The following NT5DC1 variants were observed in gnomAD, a reference collection of about 807,000 sequenced individuals.
NT5DC1 encodes 5'-nucleotidase domain containing 1.
NT5DC1 carries 42 observed loss-of-function variants against 59.4 expected under a neutral mutation model. That is an observed-to-expected ratio of 0.71 (90% CI 0.55 to 0.92). The LOEUF is 0.92. NT5DC1 is among the 40% of genes least tolerant of loss of function. The pLI, the probability that NT5DC1 is intolerant of heterozygous loss-of-function variation, is 0.00. For missense variants in NT5DC1, 501 were observed against 537.1 expected (o/e 0.93, Z 0.66); for synonymous variants, 172 against 188.1 (o/e 0.91, Z 0.70).
At chr6:116,113,085 T>G (rs540556193) in intron 4 of NT5DC1, among the ~76,000 whole-genome samples, 1 of 152,356 alleles carries the variant, frequency 6.6e-6, no homozygotes, top group Admixed American at 6.5e-5. Flanking sequence ...CCCTTTGAAC[T>G]TATCTTCCCC....
At chr6:116,222,556 A>G (rs1313272784) in intron 7 of NT5DC1, among the ~76,000 whole-genome samples, 1 of 152,232 alleles carries the variant, frequency 6.6e-6, no homozygotes, top group East Asian at 1.9e-4. Flanking sequence ...ACTGATTGTC[A>G]AATAAAGTGT....
rs1331434395 is a variant in NT5DC1, at chr6:116,100,943, T to G, written c.13T>G (p.Phe5Val). The stretch of plus-strand genomic sequence containing the variant: ...TCCCCGCGCAGCCATGGCTCAGCAC[T>G]TCTCCCTGGCCGCCTGCGACGTGGT... MAQH[F>V]SLAACDVVGF... Residue 5 changes from phenylalanine (F) to valine (V), a missense_variant, in exon 1 of 12, where the codon TTC (phenylalanine) becomes GTC (valine). By Grantham distance (50) the Phe-to-Val change is conservative. Transcript: ENST00000319550. 1.2e-6 allele frequency: 2 copies of G among 1,603,586 alleles called. No homozygotes were observed. Among genetic ancestry groups the G allele is most frequent in the Non-Finnish European group, 1.7e-6 (2 of 1,176,338 alleles).
intron 6 of NT5DC1, among the ~76,000 whole-genome samples, chr6:116,165,951 T>G (rs747230505): frequency 1.4e-4 from 21 of 152,142 alleles, no homozygotes; most frequent in Non-Finnish European, 2.2e-4. Flanking sequence ...AGCTCAGGCT[T>G]GAGGGGAGTG....
At chr6:116,190,483 G>T (rs557708026) in intron 6 of NT5DC1, among the ~76,000 whole-genome samples, 1 of 151,912 alleles carries the variant, frequency 6.6e-6, no homozygotes, top group African/African-American at 2.4e-5. Context: ...AGAAGTTAGC[G>T]GCAGTGGTAT....
chr6:116,110,934 C>T lies in NT5DC1; in HGVS notation c.342C>T (p.Asp114=). ...AAGAGTGGAAGCACTTCTTGTCGGA[C>T]ACTGGAATGGCTTGCCGCTCAGGTA... ...GKKEWKHFLS[D]TGMACRSGKY... The change falls in exon 4 of 12, where the codon GAC becomes GAT. Residue 114 remains aspartate (D), a synonymous_variant. Coordinates refer to ENST00000319550, the MANE Select transcript of NT5DC1 (RefSeq NM_152729.3). 1 of 1,612,586 alleles carries T rather than the reference C, an allele frequency of 6.2e-7. No homozygotes were observed. Among genetic ancestry groups the T allele is most frequent in the Non-Finnish European group, 8.5e-7 (1 of 1,178,630 alleles).
chr6:116,242,809 A>T (rs1244867418), intron 11 of NT5DC1, among the ~76,000 whole-genome samples: 1 of 152,220 alleles, frequency 6.6e-6, no homozygotes, highest in Non-Finnish European at 1.5e-5. Context: ...GACAACCAGC[A>T]GAGTCCAGTT....
At chr6:116,169,274 A>G (rs1204947013) in intron 6 of NT5DC1, among the ~76,000 whole-genome samples, 1 of 152,208 alleles carries the variant, frequency 6.6e-6, no homozygotes, top group Non-Finnish European at 1.5e-5. Context: ...TAACTTTTCT[A>G]GTTATCCTCA....
chr6:116,211,512 G>A (rs1781577030), intron 6 of NT5DC1, among the ~76,000 whole-genome samples: 1 of 152,038 alleles, frequency 6.6e-6, no homozygotes, highest in Non-Finnish European at 1.5e-5. Flanking sequence ...TGTATTTTAT[G>A]TATGTTTTTA....
intron 6 of NT5DC1, among the ~76,000 whole-genome samples, chr6:116,179,009 A>G (rs1218730233): frequency 6.6e-6 from 1 of 152,202 alleles, no homozygotes; most frequent in Non-Finnish European, 1.5e-5. Context: ...AGTTATACAA[A>G]TGGTAATTTC....
At chr6:116,167,987 G>A (rs1182662813) in intron 6 of NT5DC1, among the ~76,000 whole-genome samples, 1 of 151,492 alleles carries the variant, frequency 6.6e-6, no homozygotes, top group Non-Finnish European at 1.5e-5. Context: ...TCAGTTATCA[G>A]TATAATTGTT....
chr6:116,136,490 G>C (rs1471937816), intron 6 of NT5DC1, among the ~76,000 whole-genome samples: 1 of 151,874 alleles, frequency 6.6e-6, no homozygotes, highest in African/African-American at 2.4e-5. Flanking sequence ...AGAAGAAAAT[G>C]AAGCTTATTA....
At chr6:116,137,020 T>C (rs1162306736) in intron 6 of NT5DC1, 2 of 178,476 alleles carry the variant, frequency 1.1e-5, no homozygotes, top group Non-Finnish European at 2.4e-5. Context: ...AAGCTGGGCC[T>C]TTCCACACCA....
intron 6 of NT5DC1, among the ~76,000 whole-genome samples, chr6:116,131,319 C>T (rs1178328261): frequency 5.9e-5 from 9 of 152,152 alleles, no homozygotes; most frequent in Non-Finnish European, 2.9e-5. Context: ...CTGACCTATC[C>T]ACCCTGTGTT....
intron 8 of NT5DC1, among the ~76,000 whole-genome samples, chr6:116,230,710 A>G (rs1044713285): frequency 1.3e-5 from 2 of 152,130 alleles, no homozygotes; most frequent in Admixed American, 6.5e-5. Context: ...CTCCTTTGCG[A>G]TACCTTCCTT....
At chr6:116,153,686 G>A (rs987205990) in intron 6 of NT5DC1, among the ~76,000 whole-genome samples, 2 of 152,034 alleles carry the variant, frequency 1.3e-5, no homozygotes, top group African/African-American at 4.8e-5. Context: ...TCAAATATTG[G>A]CAGTTTCACT....
Position 116,114,364 on chromosome 6 carries a change from A to T in NT5DC1, c.365-1327A>T, listed in dbSNP as rs528712873. 9.9e-5 allele frequency among the ~76,000 whole-genome samples: 15 copies of T among 152,262 alleles called. No homozygotes were observed. In the South Asian group the frequency reaches 2.9e-3, roughly 29 times the overall value. On this transcript the variant is annotated intron_variant, in intron 4 of 11. Transcript: ENST00000319550. ...CATATGGTTTTCTTCTAATTTCCTT[A>T]TAATACTTCTGCATTCCAAAGTAAT...
At chr6:116,179,431 A>G (rs1311188436) in intron 6 of NT5DC1, among the ~76,000 whole-genome samples, 2 of 152,118 alleles carry the variant, frequency 1.3e-5, no homozygotes, top group African/African-American at 4.8e-5. Flanking sequence ...AGGAATTCAA[A>G]CAAATCAGCA....
Position 116,135,854 on chromosome 6 carries a change from T to C in NT5DC1, c.529+17909T>C, listed in dbSNP as rs1779581824. On this transcript the variant is annotated intron_variant, in intron 6 of 11. Transcript: ENST00000319550. The stretch of plus-strand genomic sequence containing the variant: ...TTTCAGATATATATATATATATATA[T>C]ATATATATATATATATATACACACA... 5.1e-5 allele frequency among the ~76,000 whole-genome samples: 6 copies of C among 118,074 alleles called. No homozygotes were observed. The South Asian group carries it at 1.4e-3, about 28-fold the overall frequency. The allele number at this position is 118,074 out of a possible 152,430, so 77.5% of individuals were successfully genotyped here.
chr6:116,200,382 A>G (rs1655103389), intron 6 of NT5DC1, among the ~76,000 whole-genome samples: 1 of 151,998 alleles, frequency 6.6e-6, no homozygotes, highest in South Asian at 2.1e-4. Context: ...AAGGAAATCT[A>G]AATGAAGTGA....
Sources: allele counts gnomAD v4.1 joint callset (sites outside exome capture counted in the v4.1 genomes callset), GRCh38; gene constraint gnomAD v4.1.1; transcripts MANE v1.5; gene names NCBI Gene and HGNC (gene_info 2026-07-23, HGNC 2026-07-21).